GALNT18: variants seen among roughly 807,000 people sequenced by gnomAD.
The protein encoded by GALNT18 is polypeptide N-acetylgalactosaminyltransferase 18.
Under a neutral mutation model 69.5 loss-of-function variants are expected in GALNT18, and 44 were observed. The ratio of observed to expected loss-of-function variants is 0.63; its 90% CI spans 0.50 to 0.81. The LOEUF is 0.81. GALNT18 is among the 40% of genes least tolerant of loss of function. The pLI is 0.00. For synonymous variants in GALNT18, 364 were observed against 318.2 expected (o/e 1.14, Z -1.53); for missense variants, 715 against 810.0 (o/e 0.88, Z 1.42).
intron 7 of GALNT18, among the ~76,000 whole-genome samples, chr11:11,334,411 C>T (rs535981602): frequency 7.9e-5 from 12 of 152,026 alleles, no homozygotes; most frequent in African/African-American, 1.9e-4. Context: ...GGCATGGTGG[C>T]GGGCGCCTGT....
intron 10 of GALNT18, among the ~76,000 whole-genome samples, chr11:11,272,756 ACCT>A (rs1269503822): frequency 2.0e-5 from 3 of 150,792 alleles, no homozygotes; most frequent in Non-Finnish European, 4.4e-5. Context: ...CTCCACTTCC[ACCT>A]CCTCAGTCTA....
chr11:11,599,018 T>C (rs1346771944), intron 1 of GALNT18, among the ~76,000 whole-genome samples: 1 of 152,116 alleles, frequency 6.6e-6, no homozygotes, highest in Non-Finnish European at 1.5e-5. Flanking sequence ...TAGTGTATGG[T>C]GTATTCTGGA....
At chr11:11,416,825 CCATGGCACCTCAAAATGA>C (rs1854874374) in intron 3 of GALNT18, among the ~76,000 whole-genome samples, 1 of 152,194 alleles carries the variant, frequency 6.6e-6, no homozygotes, top group Non-Finnish European at 1.5e-5. Flanking sequence ...GCGTGGCGAG[CCATGGCACCTCAAAATGA>C]TAGCAGCCCA....
intron 1 of GALNT18, among the ~76,000 whole-genome samples, chr11:11,456,789 T>C (rs1357202607): frequency 6.6e-6 from 1 of 152,204 alleles, no homozygotes; most frequent in Admixed American, 6.5e-5. Flanking sequence ...TGTGCATGAC[T>C]GTTTTTCAAA....
rs116158776 is a variant in GALNT18 at position 11,598,202 on chromosome 11, C to G, written c.235+23157G>C. Among the ~76,000 whole-genome samples the G allele has an allele frequency of 0.012, 1,880 of 152,056 alleles. 47 individuals are homozygous for G. The highest frequency in any genetic ancestry group is 0.043 in the African/African-American group (1,799 of 41,498). On this transcript the variant is annotated intron_variant, in intron 1 of 10. Coordinates refer to ENST00000227756, the MANE Select transcript of GALNT18 (RefSeq NM_198516.3). The surrounding 1 kb of genome is among the most constrained non-coding windows in gnomAD (Gnocchi z 4.8). ...AATTACTATAATCTATAATAAATTA[C>G]TATAATCTATAATAATCTATAACAA...
chr11:11,594,507 C>A (rs905695691), intron 1 of GALNT18, among the ~76,000 whole-genome samples: 2 of 152,148 alleles, frequency 1.3e-5, no homozygotes, highest in African/African-American at 2.4e-5. Context: ...CCCTAGGCAA[C>A]CTCTAATCTA....
rs1313846284 is a variant in GALNT18, at chr11:11,372,796, A to T, written c.978-167T>A. The stretch of plus-strand genomic sequence containing the variant: ...CCCCTGGGTCTGGCCTCACCCAACC[A>T]CTCCAGAAAGGCTGTTTCATCCGGG... On this transcript the variant is annotated intron_variant, in intron 5 of 10. Transcript: ENST00000227756. The surrounding 1 kb of genome is among the most constrained non-coding windows in gnomAD (Gnocchi z 4.9). 6.6e-6 allele frequency among the ~76,000 whole-genome samples: 1 copy of T among 151,818 alleles called. No individual in the cohort carries two copies. Among genetic ancestry groups the T allele is most frequent in the Non-Finnish European group, 1.5e-5 (1 of 67,980 alleles).
At chr11:11,445,960 C>T (rs1226113488) in intron 2 of GALNT18, among the ~76,000 whole-genome samples, 1 of 152,190 alleles carries the variant, frequency 6.6e-6, no homozygotes, top group Non-Finnish European at 1.5e-5. Flanking sequence ...ATTCCTCCCA[C>T]AGGTGAGAGT....
chr11:11,391,246 C>T (rs1339971342), intron 3 of GALNT18, among the ~76,000 whole-genome samples: 1 of 152,240 alleles, frequency 6.6e-6, no homozygotes, highest in Non-Finnish European at 1.5e-5. Flanking sequence ...TATTTAACAA[C>T]CCCTTAACAG....
At chr11:11,552,487 C>T (rs995764560) in intron 1 of GALNT18, among the ~76,000 whole-genome samples, 12 of 152,206 alleles carry the variant, frequency 7.9e-5, no homozygotes, top group Middle Eastern at 3.2e-3. Flanking sequence ...TGACAACTGG[C>T]TATTGAGTAA....
intron 1 of GALNT18, among the ~76,000 whole-genome samples, chr11:11,489,741 G>A (rs191824321): frequency 1.2e-3 from 177 of 152,304 alleles, no homozygotes; most frequent in Non-Finnish European, 1.7e-3. Flanking sequence ...CAAGGTCCTG[G>A]TCAACGAGCA....
intron 1 of GALNT18, among the ~76,000 whole-genome samples, chr11:11,517,718 C>G (rs368000298): frequency 6.6e-6 from 1 of 152,230 alleles, no homozygotes; most frequent in East Asian, 1.9e-4. Flanking sequence ...CCACAGTGCT[C>G]AGTCCCGGTG....
At chr11:11,528,201 G>A (rs1168804652) in intron 1 of GALNT18, among the ~76,000 whole-genome samples, 1 of 152,194 alleles carries the variant, frequency 6.6e-6, no homozygotes, top group Admixed American at 6.5e-5. Flanking sequence ...CATGGATAAA[G>A]GCATGGAAAT....
chr11:11,452,230 G>C (rs930235773), intron 1 of GALNT18, among the ~76,000 whole-genome samples: 2 of 152,192 alleles, frequency 1.3e-5, no homozygotes, highest in African/African-American at 4.8e-5. Context: ...ACTGGCTGTG[G>C]AGTCAGAATC....
chr11:11,501,767 G>A (rs1410593947), intron 1 of GALNT18, among the ~76,000 whole-genome samples: 1 of 152,224 alleles, frequency 6.6e-6, no homozygotes. Flanking sequence ...TAGAAGGAAT[G>A]AGGCTTGGCT....
At chr11:11,310,998 T>C (rs1346332930) in intron 9 of GALNT18, among the ~76,000 whole-genome samples, 1 of 152,164 alleles carries the variant, frequency 6.6e-6, no homozygotes, top group Non-Finnish European at 1.5e-5. Context: ...CTTTATTTAC[T>C]CTCCCGTCTC....
chr11:11,306,129 C>G (rs1849574055), intron 9 of GALNT18, among the ~76,000 whole-genome samples: 1 of 152,128 alleles, frequency 6.6e-6, no homozygotes, highest in South Asian at 2.1e-4. Flanking sequence ...GGCTCAATAC[C>G]TTTTTAGCAT....
rs1476190733 is a variant in GALNT18 at position 11,583,912 on chromosome 11, T to C, written c.235+37447A>G. On this transcript the variant is annotated intron_variant, in intron 1 of 10. Transcript: ENST00000227756. This position sits in a 1 kb window ranked among gnomAD's most constrained non-coding sequence, Gnocchi z 4.7. ...CATTATAAGGCCCAAATAAATGAAT[T>C]ATGGTCTTAGACAAGTCAACGGCTC... Among the ~76,000 whole-genome samples, 1 of 151,848 alleles carries C rather than the reference T, an allele frequency of 6.6e-6. No individual in the cohort carries two copies. Among genetic ancestry groups the C allele is most frequent in the Non-Finnish European group, 1.5e-5 (1 of 67,974 alleles).
Position 11,340,494 on chromosome 11 carries a change from A to ACC in GALNT18, c.1278+324_1278+325insGG, listed in dbSNP as rs1850184489. Among the ~76,000 whole-genome samples the ACC allele has an allele frequency of 6.6e-6, 1 of 152,184 alleles. No homozygotes were observed. The highest frequency in any genetic ancestry group is 1.5e-5 in the Non-Finnish European group (1 of 68,024). ...TGTAATCCAGGACCATGAAACATCT[A>ACC]ATGTCAGAGAAGCTGAGGACCTGGG... On this transcript the variant is annotated intron_variant, in intron 7 of 10. Coordinates refer to ENST00000227756, the MANE Select transcript of GALNT18 (RefSeq NM_198516.3). This position sits in a 1 kb window ranked among gnomAD's most constrained non-coding sequence, Gnocchi z 4.2.
Sources: gnomAD v4.1 joint callset for allele counts (sites outside exome capture counted in the v4.1 genomes callset) on GRCh38, gnomAD v4.1.1 for gene constraint, Gnocchi (gnomAD v3.1) non-coding constraint, MANE v1.5 for transcripts, NCBI Gene and HGNC (gene_info 2026-07-23, HGNC 2026-07-21) for gene names.